Variants in ACBD6 observed in about 807,000 individuals in gnomAD.
The protein encoded by ACBD6 is acyl-CoA-binding domain-containing protein 6.
In ACBD6, 28 loss-of-function variants were observed where a neutral mutation model predicts 37.2. That is an observed-to-expected ratio of 0.75 (90% CI 0.56 to 1.03). The LOEUF is 1.03. Ranked by LOEUF, ACBD6 falls within the 50% of genes least tolerant of loss-of-function variation. The pLI is 0.00. For missense variants in ACBD6, 340 were observed against 337.4 expected, an observed-to-expected ratio of 1.01 and a Z score of -0.06; for synonymous variants, 113 against 126.8, an observed-to-expected ratio of 0.89 and a Z score of 0.73.
At chr1:180,362,872 C>A (rs750213554) in intron 6 of ACBD6, among the ~76,000 whole-genome samples, 1 of 152,156 alleles carries the variant, frequency 6.6e-6, no homozygotes, top group Non-Finnish European at 1.5e-5. Flanking sequence ...AAAGAGCCTG[C>A]CATTGGCTTA....
intron 6 of ACBD6, among the ~76,000 whole-genome samples, chr1:180,322,138 A>T (rs1156774743): frequency 5.9e-5 from 9 of 152,106 alleles, no homozygotes; most frequent in Non-Finnish European, 8.8e-5. Context: ...TTTGTCCTTC[A>T]TTCTGATGAT....
intron 7 of ACBD6, among the ~76,000 whole-genome samples, chr1:180,314,003 T>G (rs115112166): frequency 6.6e-6 from 1 of 152,228 alleles, no homozygotes; most frequent in Non-Finnish European, 1.5e-5. Flanking sequence ...TAGGAGAAAT[T>G]AGTTAAAAAA....
At chr1:180,378,398 A>G (rs1256136838) in intron 6 of ACBD6, among the ~76,000 whole-genome samples, 1 of 152,244 alleles carries the variant, frequency 6.6e-6, no homozygotes. Context: ...AACATTCTTG[A>G]TATTAGTAGA....
At chr1:180,493,753 A>G (rs1052759672) in intron 2 of ACBD6, among the ~76,000 whole-genome samples, 1 of 150,538 alleles carries the variant, frequency 6.6e-6, no homozygotes, top group Non-Finnish European at 1.5e-5. Flanking sequence ...CTCCCACACC[A>G]GGAACCAATC....
chr1:180,278,433 C>T (rs1380511552), intron 9 of ACBD6: 1 of 152,106 alleles, frequency 6.6e-6, no homozygotes, highest in Non-Finnish European at 1.5e-5. Flanking sequence ...AGAGAGAGCT[C>T]AGCAAAGCCA....
intron 6 of ACBD6, among the ~76,000 whole-genome samples, chr1:180,389,575 A>C (rs1418699842): frequency 2.0e-5 from 3 of 152,232 alleles, no homozygotes; most frequent in African/African-American, 7.2e-5. Context: ...AGGAATTGCC[A>C]CACTGACTTC....
At chr1:180,331,403 T>C (rs562327745) in intron 6 of ACBD6, among the ~76,000 whole-genome samples, 60 of 152,318 alleles carry the variant, frequency 3.9e-4, no homozygotes, top group Middle Eastern at 6.8e-3. Context: ...GGGGAAAATG[T>C]AGTCAATATC....
At chr1:180,274,761 A>G in exon 10 of ACBD6, 1 of 688,372 alleles carries the variant, frequency 1.5e-6, no homozygotes, top group South Asian at 2.1e-5. Flanking sequence ...TTCCCTGGGG[A>G]AGCAGTGGGA....
exon 14 of ACBD6, chr1:180,271,781 C>T: frequency 6.2e-7 from 1 of 1,602,912 alleles, no homozygotes; most frequent in Middle Eastern, 1.7e-4. Flanking sequence ...GTCCTGGGGG[C>T]TTTGGGTTTG....
chr1:180,482,559 C>T (rs760491741), intron 3 of ACBD6, among the ~76,000 whole-genome samples: 1 of 148,474 alleles, frequency 6.7e-6, no homozygotes, highest in Non-Finnish European at 1.5e-5. Flanking sequence ...ATCACTGAAA[C>T]ACACAGAAAA....
exon 14 of ACBD6, chr1:180,271,514 C>T (rs745677990): frequency 1.2e-6 from 2 of 1,614,150 alleles, no homozygotes; most frequent in Non-Finnish European, 1.7e-6. Flanking sequence ...AGAGACAGGC[C>T]TGGACATGAG....
intron 3 of ACBD6, among the ~76,000 whole-genome samples, chr1:180,454,218 C>A (rs1381123864): frequency 1.3e-5 from 2 of 152,150 alleles, no homozygotes; most frequent in Non-Finnish European, 2.9e-5. Flanking sequence ...AGAAATAACA[C>A]CACGTATCTA....
intron 3 of ACBD6, among the ~76,000 whole-genome samples, chr1:180,436,477 G>C (rs1649042509): frequency 6.6e-6 from 1 of 152,130 alleles, no homozygotes; most frequent in Non-Finnish European, 1.5e-5. Context: ...TGCCATTTTG[G>C]GGTGGAGAGG....
intron 6 of ACBD6, among the ~76,000 whole-genome samples, chr1:180,354,186 T>C (rs757834050): frequency 6.6e-6 from 1 of 152,226 alleles, no homozygotes; most frequent in Non-Finnish European, 1.5e-5. Flanking sequence ...CAAGAGTCAT[T>C]GATTGGATTA....
At chr1:180,390,125 T>C (rs1410927891) in intron 6 of ACBD6, among the ~76,000 whole-genome samples, 6 of 152,200 alleles carry the variant, frequency 3.9e-5, no homozygotes, top group African/African-American at 7.2e-5. Flanking sequence ...CTAGGGTTTT[T>C]ATGGTTTTAG....
intron 5 of ACBD6, among the ~76,000 whole-genome samples, chr1:180,407,624 T>A (rs1451420485): frequency 5.9e-5 from 9 of 152,194 alleles, no homozygotes; most frequent in Non-Finnish European, 1.3e-4. Context: ...TTCTTTTTAT[T>A]TATCCTTCTA....
chr1:180,434,968 C>G, intron 3 of ACBD6: 2 of 838,514 alleles, frequency 2.4e-6, no homozygotes, highest in South Asian at 1.3e-5. Flanking sequence ...AGTCTGTAAA[C>G]CAAGTACAGA....
At chr1:180,378,092 G>A (rs1653507454) in intron 6 of ACBD6, among the ~76,000 whole-genome samples, 1 of 151,940 alleles carries the variant, frequency 6.6e-6, no homozygotes. Context: ...AAAGAAATCA[G>A]GCAGACACTA....
intron 8 of ACBD6, among the ~76,000 whole-genome samples, chr1:180,281,670 C>A (rs1372777961): frequency 6.6e-6 from 1 of 152,052 alleles, no homozygotes; most frequent in Non-Finnish European, 1.5e-5. Context: ...GAGCACTGAT[C>A]AAGCTCTGTA....
Sources: gnomAD v4.1 joint callset for allele counts (sites outside exome capture counted in the v4.1 genomes callset) on GRCh38, gnomAD v4.1.1 for gene constraint, MANE v1.5 for transcripts, NCBI Gene and HGNC (gene_info 2026-07-23, HGNC 2026-07-21) for gene names.